Variants in CCDC15 observed in about 807,000 individuals in gnomAD.
CCDC15 encodes the protein coiled-coil domain containing 15.
In CCDC15, 105 loss-of-function variants were observed where a neutral mutation model predicts 114.5. The ratio of observed to expected loss-of-function variants is 0.92; its 90% CI spans 0.78 to 1.08. The LOEUF is 1.08. Among genes scored for constraint, CCDC15 ranks in the 50% least tolerant of loss-of-function variants. CCDC15 has a pLI of 0.00. For missense variants in CCDC15, 1,105 were observed against 1,093.6 expected, an observed-to-expected ratio of 1.01 and a Z score of -0.15; for synonymous variants, 334 against 377.8, an observed-to-expected ratio of 0.88 and a Z score of 1.34.
At chr11:124,983,400 TG>T (rs1280133917) in intron 6 of CCDC15, among the ~76,000 whole-genome samples, 1 of 152,210 alleles carries the variant, frequency 6.6e-6, no homozygotes, top group African/African-American at 2.4e-5. Context: ...CTGGTTCTTA[TG>T]TTTGTGGGCT....
intron 6 of CCDC15, among the ~76,000 whole-genome samples, chr11:124,978,480 T>A (rs1948013253): frequency 6.6e-6 from 1 of 152,126 alleles, no homozygotes; most frequent in African/African-American, 2.4e-5. Flanking sequence ...TTCCCCTTAG[T>A]GGTGTATAAG....
chr11:124,973,041 A>G (rs917433866), intron 4 of CCDC15, among the ~76,000 whole-genome samples: 9 of 152,236 alleles, frequency 5.9e-5, no homozygotes, highest in Admixed American at 2.6e-4. Flanking sequence ...TATTCACCCA[A>G]TGACAGTCCT....
chr11:125,013,308 A>G (rs954694556), intron 13 of CCDC15, among the ~76,000 whole-genome samples: 9 of 152,192 alleles, frequency 5.9e-5, no homozygotes, highest in Non-Finnish European at 1.0e-4. Flanking sequence ...GAGAAATAAA[A>G]TAAAAATTTG....
chr11:125,019,896 T>G (rs1948651067), intron 13 of CCDC15, among the ~76,000 whole-genome samples: 1 of 151,378 alleles, frequency 6.6e-6, no homozygotes, highest in Admixed American at 6.6e-5. Context: ...TGTGAAATTT[T>G]GTTACATAGG....
At chr11:124,969,503 T>G (rs549268167) in intron 4 of CCDC15, among the ~76,000 whole-genome samples, 2 of 152,326 alleles carry the variant, frequency 1.3e-5, no homozygotes, top group South Asian at 4.1e-4. Flanking sequence ...CTATTCAGTT[T>G]GCTACTGTTT....
chr11:124,967,679 C>T (rs1323393882), intron 4 of CCDC15, among the ~76,000 whole-genome samples: 1 of 152,154 alleles, frequency 6.6e-6, no homozygotes, highest in Admixed American at 6.5e-5. Flanking sequence ...CCGTTGCTGG[C>T]GAGGAGCTGT....
At chr11:124,960,182 G>T (rs1947635153) in intron 4 of CCDC15, among the ~76,000 whole-genome samples, 179 bp downstream of exon 4, 3 of 148,382 alleles carry the variant, frequency 2.0e-5, no homozygotes, top group African/African-American at 2.5e-5. Flanking sequence ...GTGGGATAAT[G>T]CTTTTTAAAA....
intron 13 of CCDC15, among the ~76,000 whole-genome samples, chr11:125,024,121 C>G (rs1195078899): frequency 6.6e-6 from 1 of 151,948 alleles, no homozygotes; most frequent in Non-Finnish European, 1.5e-5. Context: ...TTTATATATA[C>G]ATACGTACAT....
Position 125,040,588 on chromosome 11 carries a change from A to G in CCDC15, c.2735-2A>G, listed in dbSNP as rs754391754. ...CATTGCTGTGCAAACCTTTTTTTGC[A>G]GCATATACTCGGGCACTACATTCAT... On this transcript the variant is annotated splice_acceptor_variant, in intron 15 of 15. Transcript: ENST00000344762. LOFTEE classifies it high-confidence loss of function. 6.2e-7 allele frequency: 1 copy of G among 1,602,176 alleles called. No individual in the cohort carries two copies. Among genetic ancestry groups the G allele is most frequent in the African/African-American group, 1.3e-5 (1 of 74,634 alleles).
At chr11:125,019,977 A>G (rs1393981661) in intron 13 of CCDC15, among the ~76,000 whole-genome samples, 1 of 151,762 alleles carries the variant, frequency 6.6e-6, no homozygotes. Context: ...TCTTCTAGCT[A>G]TTTTGAAAGA....
chr11:125,029,832 A>G (rs1176294058), intron 13 of CCDC15, among the ~76,000 whole-genome samples: 6 of 152,186 alleles, frequency 3.9e-5, no homozygotes. Flanking sequence ...ATCACAGGGC[A>G]TGGTAATACT....
chr11:124,967,826 G>A (rs1947810092), intron 4 of CCDC15, among the ~76,000 whole-genome samples: 1 of 152,166 alleles, frequency 6.6e-6, no homozygotes, highest in Non-Finnish European at 1.5e-5. Flanking sequence ...TGGTGTGGAT[G>A]TCCTTTTTGT....
At chr11:124,962,855 T>TAG (rs1033916975) in intron 4 of CCDC15, among the ~76,000 whole-genome samples, 30 of 152,344 alleles carry the variant, frequency 2.0e-4, no homozygotes, top group Admixed American at 1.8e-3. Flanking sequence ...TGTGTCCAAG[T>TAG]GTTCTCATTG....
intron 4 of CCDC15, among the ~76,000 whole-genome samples, chr11:124,973,583 A>G (rs1485722266): frequency 6.6e-6 from 1 of 152,100 alleles, no homozygotes; most frequent in Non-Finnish European, 1.5e-5. Context: ...GGTAGAGTAG[A>G]GTGTTTTCAT....
intron 13 of CCDC15, among the ~76,000 whole-genome samples, chr11:125,010,504 G>A (rs1197208562): frequency 6.6e-6 from 1 of 151,800 alleles, no homozygotes; most frequent in Non-Finnish European, 1.5e-5. Flanking sequence ...GGGACTACAG[G>A]CATGTACCAC....
Position 124,987,663 on chromosome 11 carries a change from T to A in CCDC15, c.1437T>A (p.Phe479Leu). ...DQNFLPKDQN[F>L]LSRDQHVLPK... ...ATTTTCTACCTAAGGACCAGAATTTTTTATCTAGAGACCAGCATGTTCTCC... is the reference window on the plus strand; with the variant it reads ...ATTTTCTACCTAAGGACCAGAATTTATTATCTAGAGACCAGCATGTTCTCC... The change falls in exon 8 of 16, where the codon TTT (phenylalanine) becomes TTA (leucine). Residue 479 changes from phenylalanine to leucine, a missense_variant. Physicochemically the swap from Phe to Leu is conservative, Grantham distance 22. Coordinates refer to ENST00000344762, the MANE Select transcript of CCDC15 (RefSeq NM_025004.3). 1.2e-6 allele frequency: 2 copies of A among 1,613,316 alleles called. No individual in the cohort carries two copies. Among genetic ancestry groups the A allele is most frequent in the Middle Eastern group, 1.7e-4 (1 of 6,058 alleles).
At position 124,965,003 on chromosome 11, in the gene CCDC15, G is replaced by C. The variant is rs561384969; in HGVS notation, c.516+5000G>C. 3.0e-4 allele frequency among the ~76,000 whole-genome samples: 46 copies of C among 152,230 alleles called. No individual in the cohort carries two copies. In the South Asian group the frequency reaches 9.1e-3, roughly 30 times the overall value. On this transcript the variant is annotated intron_variant, in intron 4 of 15. Transcript: ENST00000344762. ...CCAGGGATGAAGCCAACTTGATCTT[G>C]GTGGATAAGCTTTTTGATGTGCTGC...
chr11:124,967,738 T>C (rs924955819), intron 4 of CCDC15, among the ~76,000 whole-genome samples: 1 of 152,248 alleles, frequency 6.6e-6, no homozygotes, highest in Admixed American at 6.5e-5. Context: ...TTTTCAGCTT[T>C]TCTGCTCTGG....
At chr11:124,985,387 A>C (rs1349307961) in intron 6 of CCDC15, among the ~76,000 whole-genome samples, 11 of 152,148 alleles carry the variant, frequency 7.2e-5, no homozygotes, top group African/African-American at 1.9e-4. Context: ...AACCTGCTGG[A>C]TCATATAGTA....
Sources: gnomAD v4.1 joint callset for allele counts (sites outside exome capture counted in the v4.1 genomes callset) on GRCh38, gnomAD v4.1.1 for gene constraint, MANE v1.5 for transcripts, NCBI Gene and HGNC (gene_info 2026-07-23, HGNC 2026-07-21) for gene names.